VRK3: variants seen among roughly 807,000 people sequenced by gnomAD.
VRK3 encodes the protein serine/threonine-protein kinase VRK3.
A neutral mutation model predicts 60.4 loss-of-function variants in VRK3; 50 were observed. The ratio of observed to expected loss-of-function variants is 0.83; its 90% CI spans 0.66 to 1.05. The LOEUF (loss-of-function observed/expected upper bound fraction) is 1.05, where lower values mean the gene tolerates loss of function less well. Among genes scored for constraint, VRK3 ranks in the 50% least tolerant of loss-of-function variants. VRK3 has a pLI of 0.00. For missense variants in VRK3, 549 were observed against 585.3 expected, an observed-to-expected ratio of 0.94 and a Z score of 0.64; for synonymous variants, 246 against 227.8, an observed-to-expected ratio of 1.08 and a Z score of -0.72.
chr19:49,977,906 G>A (rs1441811230), intron 14 of VRK3, among the ~76,000 whole-genome samples: 1 of 152,176 alleles, frequency 6.6e-6, no homozygotes, highest in Non-Finnish European at 1.5e-5. Context: ...CTGTGCGCAG[G>A]TGCTCCACGA....
chr19:49,997,607 T>C (rs2076728118), intron 6 of VRK3, 37 bp from the exon 7 acceptor site: 2 of 1,611,330 alleles, frequency 1.2e-6, no homozygotes, highest in Non-Finnish European at 1.7e-6. Flanking sequence ...GCTGTCACAC[T>C]GAAGTCTCAG....
chr19:50,009,526 A>G, intron 3 of VRK3, 141 bp from the exon 4 acceptor site: 1 of 960,346 alleles, frequency 1.0e-6, no homozygotes, highest in Non-Finnish European at 1.5e-6. Flanking sequence ...TCTATTATGT[A>G]AATATATGAG....
chr19:50,002,337 A>G (rs1461051111), intron 5 of VRK3, among the ~76,000 whole-genome samples: 1 of 152,096 alleles, frequency 6.6e-6, no homozygotes, highest in Non-Finnish European at 1.5e-5. Flanking sequence ...GGGTGCTCTG[A>G]GCCCAGGGGA....
At position 49,997,565 on chromosome 19, in the gene VRK3, G is replaced by T; in HGVS notation, c.618C>A (p.Ala206=). 6.2e-7 allele frequency: 1 copy of T among 1,613,784 alleles called. No homozygotes were observed. The highest frequency in any genetic ancestry group is 8.5e-7 in the Non-Finnish European group (1 of 1,179,836). ...QKQKFSLKLD[A]KDGRLFNEQN... Reference sequence around the variant, plus strand: ...GCTCATTGAACAAGCGCCCATCCTTGGCATCCTGGTGGGGGACAGGAGGGG... The same window carrying T: ...GCTCATTGAACAAGCGCCCATCCTTTGCATCCTGGTGGGGGACAGGAGGGG... Residue 206 remains alanine (A), a synonymous_variant, in exon 7 of 15, where the codon GCC becomes GCA. Transcript: ENST00000316763.
rs1568827783 is a variant in VRK3 at position 50,025,340 on chromosome 19, A to ACTCACCTTCTCAGTTGCCCAGC, written c.-160_-139dup. On this transcript the variant is annotated 5_prime_UTR_variant, in exon 1 of 15. Coordinates refer to ENST00000316763, the MANE Select transcript of VRK3 (RefSeq NM_016440.4). ...CCTCGGATCCTCCGCAGTTACCCGGACTCACCTTCTCAGTTGCCCAGCGAA... is the reference window on the plus strand; with the variant it reads ...CCTCGGATCCTCCGCAGTTACCCGGACTCACCTTCTCAGTTGCCCAGCCTCACCTTCTCAGTTGCCCAGCGAA... 1 of 152,082 alleles carries ACTCACCTTCTCAGTTGCCCAGC rather than the reference A, an allele frequency of 6.6e-6. No homozygotes were observed. The highest frequency in any genetic ancestry group is 2.4e-5 in the African/African-American group (1 of 41,374). The allele number at this position is 152,082 out of a possible 1,614,324, so 9.4% of individuals were successfully genotyped here.
chr19:49,994,208 C>T lies in VRK3; in HGVS notation c.870+606G>A, dbSNP rs533724024. On this transcript the variant is annotated intron_variant, in intron 9 of 14. Transcript: ENST00000316763. The stretch of plus-strand genomic sequence containing the variant: ...TCTTACTCTCAATCACAGCAGGGGC[C>T]GCTTCTATTCAGAGCACTTGTCATA... 6.6e-5 allele frequency among the ~76,000 whole-genome samples: 10 copies of T among 152,242 alleles called. No individual in the cohort carries two copies. The East Asian group carries it at 1.4e-3, about 21-fold the overall frequency.
chr19:49,977,751 G>A (rs1437953886), intron 14 of VRK3, among the ~76,000 whole-genome samples: 1 of 152,162 alleles, frequency 6.6e-6, no homozygotes, highest in East Asian at 1.9e-4. Context: ...GGTACACGGA[G>A]GAGCTGTGTA....
intron 3 of VRK3, among the ~76,000 whole-genome samples, chr19:50,014,916 T>C (rs1264242730): frequency 1.3e-5 from 2 of 152,136 alleles, no homozygotes; most frequent in African/African-American, 4.8e-5. Flanking sequence ...AGAAGGCTTC[T>C]GCATAAGAGA....
chr19:49,993,499 G>T (rs755410374), intron 9 of VRK3, among the ~76,000 whole-genome samples: 2 of 152,014 alleles, frequency 1.3e-5, no homozygotes, highest in Non-Finnish European at 2.9e-5. Flanking sequence ...CCCAAGCTCA[G>T]GTGATCCTCC....
At chr19:49,998,369 C>T (rs2076741275) in intron 6 of VRK3, 1 of 151,980 alleles carries the variant, frequency 6.6e-6, no homozygotes, top group Non-Finnish European at 1.5e-5. Flanking sequence ...TGCCTGTAAT[C>T]CCAGCTACTC....
intron 2 of VRK3, among the ~76,000 whole-genome samples, chr19:50,018,709 CA>C (rs1253002496): frequency 6.6e-6 from 1 of 152,160 alleles, no homozygotes; most frequent in Non-Finnish European, 1.5e-5. Flanking sequence ...ATCTCTTTCT[CA>C]AAGGCACAAA....
At chr19:49,988,948 C>A (rs562602350) in intron 11 of VRK3, among the ~76,000 whole-genome samples, 12 of 152,206 alleles carry the variant, frequency 7.9e-5, no homozygotes, top group African/African-American at 2.6e-4. Context: ...TGGGGGAGGG[C>A]GGGGGAGACT....
chr19:50,020,864 G>A (rs2077160607), intron 1 of VRK3, among the ~76,000 whole-genome samples: 1 of 152,202 alleles, frequency 6.6e-6, no homozygotes, highest in Non-Finnish European at 1.5e-5. Context: ...TTCAGGATGC[G>A]CACGTTCTGG....
At chr19:50,012,662 G>T (rs12462068) in intron 3 of VRK3, among the ~76,000 whole-genome samples, 26,673 of 151,908 alleles carry the variant, frequency 0.18, 2,547 homozygotes, top group East Asian at 0.33. Flanking sequence ...ACTTTGGGAG[G>T]CCAGGAGTTT....
intron 13 of VRK3, among the ~76,000 whole-genome samples, chr19:49,979,752 A>C (rs1021639040): frequency 2.0e-5 from 3 of 152,194 alleles, no homozygotes; most frequent in Non-Finnish European, 4.4e-5. Flanking sequence ...CCAGGGATTT[A>C]AAGTAATTCA....
chr19:49,979,306 G>C (rs1275347563), intron 13 of VRK3, 64 bp from the exon 14 acceptor site: 1 of 1,610,356 alleles, frequency 6.2e-7, no homozygotes, highest in Admixed American at 1.7e-5. Flanking sequence ...CCGATCCTGG[G>C]GGTCTCCACC....
chr19:49,999,645 C>T (rs560476951), intron 6 of VRK3: 1 of 152,398 alleles, frequency 6.6e-6, no homozygotes, highest in African/African-American at 2.4e-5. Context: ...CCTCCCAGCC[C>T]ACCCCTCTTC....
At chr19:50,003,268 C>T (rs763873849) in intron 5 of VRK3, among the ~76,000 whole-genome samples, 2 of 152,194 alleles carry the variant, frequency 1.3e-5, no homozygotes, top group African/African-American at 4.8e-5. Flanking sequence ...ACCTAAACTT[C>T]GTACCCAGTG....
intron 5 of VRK3, among the ~76,000 whole-genome samples, chr19:50,002,473 C>A (rs1380802553): frequency 2.0e-5 from 3 of 152,160 alleles, no homozygotes; most frequent in African/African-American, 7.2e-5. Flanking sequence ...CCGCCCAGCT[C>A]TGGAACCCAG....
Sources: gnomAD v4.1 joint callset for allele counts (sites outside exome capture counted in the v4.1 genomes callset) on GRCh38, gnomAD v4.1.1 for gene constraint, MANE v1.5 for transcripts, NCBI Gene and HGNC (gene_info 2026-07-23, HGNC 2026-07-21) for gene names.